The following SLC36A1 variants were observed in gnomAD, a reference collection of about 807,000 sequenced individuals.
SLC36A1 encodes the protein solute carrier family 36 member 1.
SLC36A1 carries 30 observed loss-of-function variants against 47.5 expected under a neutral mutation model. The observed-to-expected ratio is 0.63, with a 90% confidence interval of 0.47 to 0.86. The LOEUF is 0.86. SLC36A1 is among the 40% of genes least tolerant of loss of function. The pLI, the probability that SLC36A1 is intolerant of heterozygous loss-of-function variation, is 0.00. For missense variants in SLC36A1, 517 were observed against 606.0 expected, an observed-to-expected ratio of 0.85 and a Z score of 1.54; for synonymous variants, 255 against 249.7, an observed-to-expected ratio of 1.02 and a Z score of -0.20.
downstream of SLC36A1, among the ~76,000 whole-genome samples, chr5:151,496,324 C>T (rs1561800054): frequency 6.6e-6 from 1 of 152,166 alleles, no homozygotes; most frequent in African/African-American, 2.4e-5. Flanking sequence ...AACTGTAAAT[C>T]GAATTAAACC....
intron 1 of SLC36A1, among the ~76,000 whole-genome samples, chr5:151,458,477 C>G (rs912258630): frequency 1.3e-5 from 2 of 151,888 alleles, no homozygotes; most frequent in Non-Finnish European, 2.9e-5. Flanking sequence ...CATTTTCCCC[C>G]ACTCCTCCCA....
the SLC36A1 span, chr5:151,505,496 A>C: frequency 6.3e-7 from 1 of 1,588,264 alleles, no homozygotes; most frequent in Non-Finnish European, 8.6e-7. Context: ...CTCACCCCCT[A>C]CGAGACAGGA....
chr5:151,462,720 G>A (rs13165298), intron 2 of SLC36A1, among the ~76,000 whole-genome samples: 20,986 of 151,336 alleles, frequency 0.14, 1,589 homozygotes, highest in East Asian at 0.26. Flanking sequence ...CTCTTATGGT[G>A]TGGTGTGACT....
the SLC36A1 span, chr5:151,506,247 G>A: frequency 8.8e-5 from 69 of 781,958 alleles, no homozygotes; most frequent in South Asian, 1.3e-3. Context: ...GTTGGCTTAC[G>A]TTGATAACAT....
At chr5:151,540,528 T>C in the SLC36A1 span, 1 of 1,573,610 alleles carries the variant, frequency 6.4e-7, no homozygotes, top group Non-Finnish European at 8.7e-7. Flanking sequence ...TTATCTTCCT[T>C]GCCTTCACTA....
At chr5:151,413,714 G>A in the SLC36A1 span, among the ~76,000 whole-genome samples, 2 of 151,888 alleles carry the variant, frequency 1.3e-5, no homozygotes, top group African/African-American at 4.8e-5. Context: ...TGTGTACTGA[G>A]GGGAAGAAAC....
chr5:151,526,389 A>G, the SLC36A1 span, among the ~76,000 whole-genome samples: 54 of 152,380 alleles, frequency 3.5e-4, no homozygotes, highest in East Asian at 9.6e-3. Flanking sequence ...GAGGACCTGC[A>G]TGCAATATGT....
chr5:151,447,264 T>A (rs1752982285), upstream of SLC36A1, among the ~76,000 whole-genome samples: 1 of 152,234 alleles, frequency 6.6e-6, no homozygotes, highest in Admixed American at 6.5e-5. Flanking sequence ...TTGGAAGTTT[T>A]AAAAATATGC....
At chr5:151,477,306 A>G (rs1372989429) in intron 9 of SLC36A1, among the ~76,000 whole-genome samples, 1 of 152,214 alleles carries the variant, frequency 6.6e-6, no homozygotes, top group Non-Finnish European at 1.5e-5. Context: ...TTTGAAGATG[A>G]ATCATCTCAT....
chr5:151,549,519 G>A, the SLC36A1 span: 1 of 1,611,380 alleles, frequency 6.2e-7, no homozygotes, highest in Non-Finnish European at 8.5e-7. Flanking sequence ...TGGGCCCAAA[G>A]GGGGTAATTG....
the SLC36A1 span, among the ~76,000 whole-genome samples, chr5:151,384,484 GC>G: frequency 2.6e-5 from 4 of 152,162 alleles, no homozygotes; most frequent in African/African-American, 9.7e-5. Flanking sequence ...TATGTTTCAT[GC>G]CTTCTATAAT....
the SLC36A1 span, among the ~76,000 whole-genome samples, chr5:151,385,894 CAG>C: frequency 7.3e-6 from 1 of 137,388 alleles, no homozygotes; most frequent in African/African-American, 2.7e-5. Flanking sequence ...TTTTTTGAGA[CAG>C]AGTCTTGCAC....
chr5:151,505,729 T>G, the SLC36A1 span: 1 of 1,613,722 alleles, frequency 6.2e-7, no homozygotes, highest in Admixed American at 1.7e-5. Context: ...CCCACCCCCT[T>G]GTAGCCCCCG....
the SLC36A1 span, among the ~76,000 whole-genome samples, chr5:151,404,316 GA>G: frequency 3.3e-5 from 5 of 152,128 alleles, no homozygotes; most frequent in Admixed American, 6.6e-5. Context: ...CCTTACATGT[GA>G]AATGGGTCTC....
chr5:151,542,269 T>C, the SLC36A1 span: 1 of 1,571,164 alleles, frequency 6.4e-7, no homozygotes, highest in Non-Finnish European at 8.6e-7. Flanking sequence ...CTGCAGTCCA[T>C]GACAGGTGTT....
the SLC36A1 span, among the ~76,000 whole-genome samples, chr5:151,550,176 C>T: frequency 6.6e-6 from 1 of 152,272 alleles, no homozygotes; most frequent in East Asian, 1.9e-4. Context: ...AATGCAGGCA[C>T]ATGGCCCAGA....
chr5:151,438,368 A>G (rs1250184696), intron 1 of SLC36A1, among the ~76,000 whole-genome samples: 11 of 151,668 alleles, frequency 7.3e-5, no homozygotes, highest in Admixed American at 7.2e-4. Context: ...TGTCCTTGAG[A>G]TCAAAGAACA....
chr5:151,528,028 G>A, the SLC36A1 span: 1 of 1,614,086 alleles, frequency 6.2e-7, no homozygotes, highest in Non-Finnish European at 8.5e-7. Flanking sequence ...GCCACCTGTA[G>A]CTCCCCCTTT....
At chr5:151,378,733 G>A in the SLC36A1 span, 2 of 153,484 alleles carry the variant, frequency 1.3e-5, no homozygotes, top group Non-Finnish European at 2.9e-5. Context: ...CACCGGGGAG[G>A]GTGAGAGGTG....
Sources: allele counts gnomAD v4.1 joint callset (sites outside exome capture counted in the v4.1 genomes callset), GRCh38; gene constraint gnomAD v4.1.1; transcripts MANE v1.5; gene names NCBI Gene and HGNC (gene_info 2026-07-23, HGNC 2026-07-21).